ELF5: variants seen among roughly 807,000 people sequenced by gnomAD.
The protein encoded by ELF5 is ETS-related transcription factor Elf-5.
A neutral mutation model predicts 38.2 loss-of-function variants in ELF5; 31 were observed. The observed-to-expected ratio is 0.81, with a 90% confidence interval of 0.61 to 1.10. The LOEUF is 1.10. Among genes scored for constraint, ELF5 ranks in the 50% least tolerant of loss-of-function variants. The pLI is 0.00. For missense variants in ELF5, 300 were observed against 306.6 expected (o/e 0.98, Z 0.16); for synonymous variants, 121 against 112.5 (o/e 1.08, Z -0.48).
intron 4 of ELF5, among the ~76,000 whole-genome samples, chr11:34,482,737 C>T (rs1003055431): frequency 2.2e-4 from 33 of 152,044 alleles, no homozygotes; most frequent in African/African-American, 6.5e-4. Flanking sequence ...TGGTTTTGAT[C>T]GAGGTCCGTG....
At chr11:34,503,268 C>G (rs1850516644) in intron 2 of ELF5, among the ~76,000 whole-genome samples, 1 of 152,070 alleles carries the variant, frequency 6.6e-6, no homozygotes, top group African/African-American at 2.4e-5. Context: ...AAGGGATCCT[C>G]CTGTCTCAGC....
chr11:34,480,268 C>G lies in ELF5; in HGVS notation c.718G>C (p.Val240Leu). The stretch of plus-strand genomic sequence containing the variant: ...TGTGCATTTTTTCCAAATTTGTACA[C>G]TAACCTTCGGTCAACCCGCTCCAAA... ...GILERVDRRL[V>L]YKFGKNAHGW... The change falls in exon 7 of 7, where the codon GTG becomes CTG. Residue 240 changes from valine to leucine, a missense_variant. Val to Leu is a conservative substitution (Grantham distance 32). Coordinates refer to ENST00000257832, the MANE Select transcript of ELF5 (RefSeq NM_001422.4). 6.2e-7 allele frequency: 1 copy of G among 1,614,064 alleles called. No homozygotes were observed. The highest frequency in any genetic ancestry group is 8.5e-7 in the Non-Finnish European group (1 of 1,180,016).
intron 3 of ELF5, among the ~76,000 whole-genome samples, chr11:34,490,292 G>A (rs1414717554): frequency 6.6e-6 from 1 of 152,184 alleles, no homozygotes; most frequent in Non-Finnish European, 1.5e-5. Context: ...CCCAGAACCA[G>A]GCTTCCCAGC....
At chr11:34,494,844 G>T (rs1036142524) in intron 2 of ELF5, among the ~76,000 whole-genome samples, 9 of 152,192 alleles carry the variant, frequency 5.9e-5, no homozygotes, top group African/African-American at 2.2e-4. Context: ...TACAGCACCT[G>T]TATCATAGTG....
chr11:34,513,723 G>A lies in ELF5; in HGVS notation c.-51C>T, dbSNP rs1017597065. The A allele has an allele frequency of 6.6e-6, 1 of 152,498 alleles. No homozygotes were observed. Among genetic ancestry groups the A allele is most frequent in the African/African-American group, 2.4e-5 (1 of 41,476 alleles). The allele number at this position is 152,498 out of a possible 1,614,324, so 9.4% of individuals were successfully genotyped here. ...TCCAAAGAGGAGGCTTTCAAGGCAA[G>A]AGAAGGCAGGCGCTCCCAGCACCAG... On this transcript the variant is annotated 5_prime_UTR_variant, in exon 1 of 7. Coordinates refer to ENST00000257832, the MANE Select transcript of ELF5 (RefSeq NM_001422.4).
chr11:34,513,161 C>G (rs530269599), intron 1 of ELF5, among the ~76,000 whole-genome samples: 1 of 152,090 alleles, frequency 6.6e-6, no homozygotes, highest in Admixed American at 6.5e-5. Context: ...TGTCAGAGGG[C>G]AAATGGGTTT....
At chr11:34,501,400 G>T (rs186724009) in intron 2 of ELF5, among the ~76,000 whole-genome samples, 1 of 152,302 alleles carries the variant, frequency 6.6e-6, no homozygotes, top group East Asian at 1.9e-4. Context: ...TGTGTGCGTG[G>T]CACATTGGCT....
chr11:34,482,572 G>T, intron 4 of ELF5, 73 bp from the exon 5 acceptor site: 1 of 1,217,710 alleles, frequency 8.2e-7, no homozygotes, highest in South Asian at 1.5e-5. Context: ...ATACCCAAAT[G>T]AGCAAATACT....
intron 3 of ELF5, chr11:34,493,252 T>C: frequency 1.7e-6 from 1 of 602,714 alleles, no homozygotes; most frequent in Admixed American, 2.9e-5. Context: ...CCGTTTTTCT[T>C]TCTCTTTTTT....
chr11:34,505,878 G>A (rs937445170), intron 1 of ELF5, 125 bp from the exon 2 acceptor site: 1 of 1,197,876 alleles, frequency 8.3e-7, no homozygotes, highest in Admixed American at 3.2e-5. Flanking sequence ...CACTCACTAG[G>A]AGCAGGCACC....
intron 3 of ELF5, chr11:34,492,743 G>C (rs1201840728): frequency 6.5e-6 from 1 of 153,070 alleles, no homozygotes; most frequent in Non-Finnish European, 1.5e-5. Context: ...CTCGCCAGAG[G>C]TTCCGTAGCT....
intron 1 of ELF5, among the ~76,000 whole-genome samples, chr11:34,509,145 C>T (rs1343677099): frequency 6.6e-6 from 1 of 152,170 alleles, no homozygotes; most frequent in African/African-American, 2.4e-5. Flanking sequence ...GCCTGGACAA[C>T]ATGGCGAAAC....
chr11:34,486,671 G>A (rs1269850812), intron 4 of ELF5, among the ~76,000 whole-genome samples: 1 of 152,224 alleles, frequency 6.6e-6, no homozygotes, highest in Non-Finnish European at 1.5e-5. Context: ...TTACTTGCAA[G>A]TTATTACACC....
intron 4 of ELF5, among the ~76,000 whole-genome samples, chr11:34,487,949 A>G (rs1446587863): frequency 6.6e-6 from 1 of 152,136 alleles, no homozygotes; most frequent in East Asian, 1.9e-4. Flanking sequence ...CTAAGACACC[A>G]AGATTGTTCC....
At chr11:34,501,176 C>T (rs1395289001) in intron 2 of ELF5, among the ~76,000 whole-genome samples, 1 of 152,144 alleles carries the variant, frequency 6.6e-6, no homozygotes, top group East Asian at 1.9e-4. Context: ...TGTGCTCTAC[C>T]GTCTTCAGAA....
intron 2 of ELF5, among the ~76,000 whole-genome samples, chr11:34,503,382 A>ACTC (rs558473075): frequency 3.7e-3 from 560 of 150,794 alleles, no homozygotes; most frequent in Non-Finnish European, 6.4e-3. Flanking sequence ...CTGGTCTTAA[A>ACTC]CTCCTGACCT....
At chr11:34,506,224 T>C (rs1850611068) in intron 1 of ELF5, among the ~76,000 whole-genome samples, 1 of 152,038 alleles carries the variant, frequency 6.6e-6, no homozygotes, top group African/African-American at 2.4e-5. Flanking sequence ...CCCGAGCAAA[T>C]TAAGTCAGGA....
At chr11:34,505,081 T>C (rs1220601276) in intron 2 of ELF5, among the ~76,000 whole-genome samples, 1 of 152,212 alleles carries the variant, frequency 6.6e-6, no homozygotes, top group Non-Finnish European at 1.5e-5. Flanking sequence ...ATGGGTCAAC[T>C]TGCATGGAGC....
chr11:34,501,118 AG>A (rs1157569431), intron 2 of ELF5, among the ~76,000 whole-genome samples: 1 of 152,198 alleles, frequency 6.6e-6, no homozygotes, highest in Non-Finnish European at 1.5e-5. Context: ...TGGCAGAGCT[AG>A]GAGTGGGTTA....
Sources: allele counts gnomAD v4.1 joint callset (sites outside exome capture counted in the v4.1 genomes callset), GRCh38; gene constraint gnomAD v4.1.1; transcripts MANE v1.5; gene names NCBI Gene and HGNC (gene_info 2026-07-23, HGNC 2026-07-21).